ZNF804B: variants seen among roughly 807,000 people sequenced by gnomAD.
ZNF804B encodes the protein zinc finger 804B.
ZNF804B carries 80 observed loss-of-function variants against 101.4 expected under a neutral mutation model. That is an observed-to-expected ratio of 0.79 (90% CI 0.66 to 0.95). The LOEUF (loss-of-function observed/expected upper bound fraction) is 0.95. ZNF804B is among the 40% of genes least tolerant of loss of function. The pLI, the probability that ZNF804B is intolerant of heterozygous loss-of-function variation, is 0.00. For missense variants in ZNF804B, 1,673 were observed against 1,561.9 expected, an observed-to-expected ratio of 1.07 and a Z score of -1.20; for synonymous variants, 622 against 558.8, an observed-to-expected ratio of 1.11 and a Z score of -1.59.
At chr7:89,025,366 A>G (rs1251859873) in intron 1 of ZNF804B, among the ~76,000 whole-genome samples, 1 of 152,134 alleles carries the variant, frequency 6.6e-6, no homozygotes, top group Non-Finnish European at 1.5e-5. Context: ...TTAATTTTTT[A>G]TGAAGCTATT....
chr7:88,906,285 T>C (rs1792468919), intron 1 of ZNF804B, among the ~76,000 whole-genome samples: 1 of 152,136 alleles, frequency 6.6e-6, no homozygotes. Flanking sequence ...CTTTTAGTTA[T>C]TTCTTATCCT....
intron 1 of ZNF804B, among the ~76,000 whole-genome samples, chr7:89,103,027 A>C (rs961472039): frequency 1.9e-5 from 1 of 53,902 alleles, no homozygotes; most frequent in African/African-American, 6.4e-5. Context: ...TCTCTATTCT[A>C]TTCCATTGAC....
intron 2 of ZNF804B, among the ~76,000 whole-genome samples, chr7:89,257,178 G>A (rs1789644440): frequency 6.6e-6 from 1 of 152,044 alleles, no homozygotes; most frequent in East Asian, 1.9e-4. Context: ...CTATAGGATG[G>A]AGTTTCTCCT....
intron 1 of ZNF804B, among the ~76,000 whole-genome samples, chr7:89,189,067 G>A (rs1008447005): frequency 6.6e-6 from 1 of 152,078 alleles, no homozygotes; most frequent in Admixed American, 6.6e-5. Context: ...ATTCCTAACA[G>A]GGGATAATGT....
chr7:88,767,381 C>T (rs182880506), intron 1 of ZNF804B, among the ~76,000 whole-genome samples: 1 of 152,316 alleles, frequency 6.6e-6, no homozygotes, highest in Admixed American at 6.5e-5. Flanking sequence ...CAGCACCAGA[C>T]AAATACAGTC....
intron 1 of ZNF804B, among the ~76,000 whole-genome samples, chr7:88,870,468 A>G (rs1380453217): frequency 6.6e-6 from 1 of 151,870 alleles, no homozygotes; most frequent in Non-Finnish European, 1.5e-5. Flanking sequence ...AAGATCAGGA[A>G]ACTGCTGCAC....
intron 1 of ZNF804B, among the ~76,000 whole-genome samples, chr7:89,081,496 G>C (rs1002434395): frequency 6.6e-6 from 1 of 151,714 alleles, no homozygotes; most frequent in African/African-American, 2.4e-5. Context: ...GGCTGGTTTA[G>C]ATCCCCATTA....
At chr7:88,864,592 C>T (rs947742757) in intron 1 of ZNF804B, among the ~76,000 whole-genome samples, 1 of 152,196 alleles carries the variant, frequency 6.6e-6, no homozygotes, top group South Asian at 2.1e-4. Flanking sequence ...TATCTGCTGA[C>T]TTCCTCTTGC....
chr7:88,805,857 C>T (rs1790677552), intron 1 of ZNF804B, among the ~76,000 whole-genome samples: 1 of 152,082 alleles, frequency 6.6e-6, no homozygotes, highest in Non-Finnish European at 1.5e-5. Context: ...CACTGTTGGC[C>T]TCATGGAAAC....
chr7:88,840,291 C>G (rs1791276085), intron 1 of ZNF804B, among the ~76,000 whole-genome samples: 1 of 152,050 alleles, frequency 6.6e-6, no homozygotes, highest in Non-Finnish European at 1.5e-5. Flanking sequence ...TGATCATCAT[C>G]ATGAAGGTAA....
At chr7:89,222,755 T>A (rs369547032) in intron 2 of ZNF804B, among the ~76,000 whole-genome samples, 88 of 152,024 alleles carry the variant, frequency 5.8e-4, no homozygotes, top group African/African-American at 2.0e-3. Context: ...GATATTAAAA[T>A]AGCTGAGATT....
intron 1 of ZNF804B, among the ~76,000 whole-genome samples, chr7:88,854,399 CTTTCTTTCTTT>C (rs1791499396): frequency 6.9e-6 from 1 of 144,680 alleles, no homozygotes; most frequent in African/African-American, 2.8e-5. Context: ...TTCTTTCTTT[CTTTCTTTCTTT>C]CTTCCTTTCT....
chr7:89,232,627 G>T (rs1789209874), intron 2 of ZNF804B, among the ~76,000 whole-genome samples: 1 of 151,978 alleles, frequency 6.6e-6, no homozygotes, highest in African/African-American at 2.4e-5. Context: ...TGTAGGTATT[G>T]TCCAGTTCAT....
At chr7:88,939,757 A>G (rs1793029764) in intron 1 of ZNF804B, among the ~76,000 whole-genome samples, 1 of 151,860 alleles carries the variant, frequency 6.6e-6, no homozygotes, top group African/African-American at 2.4e-5. Flanking sequence ...TTAAAGCTGT[A>G]GTGATCTAAT....
At chr7:88,856,792 G>A (rs1452128431) in intron 1 of ZNF804B, among the ~76,000 whole-genome samples, 18 of 152,218 alleles carry the variant, frequency 1.2e-4, no homozygotes, top group South Asian at 6.2e-4. Context: ...TCAATACCTA[G>A]TTTATTGAGA....
At chr7:89,276,977 G>T (rs1177385867) in intron 2 of ZNF804B, among the ~76,000 whole-genome samples, 2 of 151,262 alleles carry the variant, frequency 1.3e-5, no homozygotes, top group Non-Finnish European at 2.9e-5. Context: ...GTGTCTTTTG[G>T]GCTATAGGTG....
intron 1 of ZNF804B, among the ~76,000 whole-genome samples, chr7:88,917,258 C>T (rs990143994): frequency 6.6e-6 from 1 of 151,814 alleles, no homozygotes; most frequent in Non-Finnish European, 1.5e-5. Flanking sequence ...GGATAAGACT[C>T]TGTCTCAAAA....
intron 1 of ZNF804B, among the ~76,000 whole-genome samples, chr7:88,961,616 G>T (rs1389273433): frequency 6.6e-6 from 1 of 151,368 alleles, no homozygotes; most frequent in Non-Finnish European, 1.5e-5. Context: ...TCCTCAAGAA[G>T]AGCTCATGAG....
chr7:89,304,549 G>T (rs918575365), intron 2 of ZNF804B, among the ~76,000 whole-genome samples: 2 of 151,674 alleles, frequency 1.3e-5, no homozygotes, highest in African/African-American at 2.4e-5. Flanking sequence ...GTGTATGTGT[G>T]TGTCTATCTG....
Sources: gnomAD v4.1 joint callset for allele counts (sites outside exome capture counted in the v4.1 genomes callset) on GRCh38, gnomAD v4.1.1 for gene constraint, MANE v1.5 for transcripts, NCBI Gene and HGNC (gene_info 2026-07-23, HGNC 2026-07-21) for gene names.